The following CTNNA3 variants were observed in gnomAD, a reference collection of about 807,000 sequenced individuals.
CTNNA3 encodes the protein catenin alpha-3.
In CTNNA3, 76 loss-of-function variants were observed where a neutral mutation model predicts 95.7. That is an observed-to-expected ratio of 0.79 (90% CI 0.66 to 0.96). The LOEUF (loss-of-function observed/expected upper bound fraction) is 0.96. Among genes scored for constraint, CTNNA3 ranks in the 40% least tolerant of loss-of-function variants. The pLI is 0.00. For missense variants in CTNNA3, 1,191 were observed against 1,089.8 expected (o/e 1.09, Z -1.31); for synonymous variants, 431 against 374.4 (o/e 1.15, Z -1.74).
At chr10:66,709,898 T>C (rs529663575) in intron 9 of CTNNA3, among the ~76,000 whole-genome samples, 1 of 152,268 alleles carries the variant, frequency 6.6e-6, no homozygotes, top group Non-Finnish European at 1.5e-5. Context: ...GCTGTTGTAG[T>C]AAGAAATATA....
chr10:67,149,683 C>T (rs1861008066), intron 7 of CTNNA3, among the ~76,000 whole-genome samples: 1 of 152,138 alleles, frequency 6.6e-6, no homozygotes, highest in Non-Finnish European at 1.5e-5. Flanking sequence ...AGTAGCTTGT[C>T]CAACATCACA....
intron 7 of CTNNA3, among the ~76,000 whole-genome samples, chr10:66,793,732 T>C (rs1039266559): frequency 1.3e-5 from 2 of 152,296 alleles, no homozygotes; most frequent in Admixed American, 1.3e-4. Context: ...TTTAAACATT[T>C]TATTGTAACT....
intron 14 of CTNNA3, among the ~76,000 whole-genome samples, chr10:66,087,191 C>A (rs944946092): frequency 6.6e-6 from 1 of 152,018 alleles, no homozygotes. Flanking sequence ...CAATTTAAAT[C>A]AAACACCATC....
At chr10:66,877,136 T>C (rs6480234) in intron 7 of CTNNA3, among the ~76,000 whole-genome samples, 67,039 of 151,808 alleles carry the variant, frequency 0.44, 15,159 homozygotes, top group Non-Finnish European at 0.48. Flanking sequence ...TTGGCCAGCT[T>C]GTTTTGATAA....
chr10:66,301,071 C>T (rs2091855656), intron 12 of CTNNA3, among the ~76,000 whole-genome samples: 1 of 151,892 alleles, frequency 6.6e-6, no homozygotes, highest in South Asian at 2.1e-4. Flanking sequence ...AATATGATAG[C>T]CTAAGTAAAA....
intron 5 of CTNNA3, among the ~76,000 whole-genome samples, chr10:67,291,806 A>AAAGTT (rs1205425483): frequency 6.6e-6 from 1 of 152,230 alleles, no homozygotes; most frequent in African/African-American, 2.4e-5. Flanking sequence ...GTAGAGACCA[A>AAAGTT]GGGAAAACTC....
At chr10:66,018,813 A>G (rs973538433) in intron 15 of CTNNA3, among the ~76,000 whole-genome samples, 1 of 152,130 alleles carries the variant, frequency 6.6e-6, no homozygotes. Context: ...TTTCTTTTTC[A>G]ATAAATGATT....
In CTNNA3 at chr10:65,920,441, A is replaced by C. The variant is rs1403811319; in HGVS notation, c.2577T>G (p.Ile859Met). ...RMKAPAKKPL[I>M]KREKPEETCA... ...ACGTTTCCTCTGGCTTCTCTCTTTTAATCAAGGGTTTTTTTGCAGGAGCCT... is the reference window on the plus strand; with the variant it reads ...ACGTTTCCTCTGGCTTCTCTCTTTTCATCAAGGGTTTTTTTGCAGGAGCCT... The change falls in exon 18 of 18, where the codon ATT becomes ATG. Residue 859 changes from isoleucine to methionine, a missense_variant. Coordinates refer to ENST00000433211, the MANE Select transcript of CTNNA3 (RefSeq NM_013266.4). 1 of 1,613,944 alleles carries C rather than the reference A, an allele frequency of 6.2e-7. No individual in the cohort carries two copies. Among genetic ancestry groups the C allele is most frequent in the Non-Finnish European group, 8.5e-7 (1 of 1,180,000 alleles).
chr10:65,928,880 T>C (rs1252769822), intron 17 of CTNNA3, among the ~76,000 whole-genome samples: 1 of 151,258 alleles, frequency 6.6e-6, no homozygotes, highest in Non-Finnish European at 1.5e-5. Context: ...ATTATTTCTC[T>C]TTTTTTTATT....
chr10:66,300,459 A>T (rs899540352), intron 12 of CTNNA3, among the ~76,000 whole-genome samples: 3 of 152,062 alleles, frequency 2.0e-5, no homozygotes, highest in African/African-American at 7.2e-5. Flanking sequence ...GAGCACGGAA[A>T]GGGAGTAGTA....
At chr10:67,731,971 G>A (rs1042225413) in intron 1 of CTNNA3, among the ~76,000 whole-genome samples, 16 of 151,402 alleles carry the variant, frequency 1.1e-4, no homozygotes, top group East Asian at 1.9e-4. Context: ...TAGTAGAGAC[G>A]GGGTTTCAGT....
chr10:66,505,000 T>C (rs1840402674), intron 11 of CTNNA3, among the ~76,000 whole-genome samples: 1 of 152,190 alleles, frequency 6.6e-6, no homozygotes, highest in Admixed American at 6.5e-5. Context: ...GGCTATTTAC[T>C]TTATCAGTAA....
rs189407649 is a variant in CTNNA3, at chr10:66,271,413, A to G, written c.1884+9057T>C. Among the ~76,000 whole-genome samples, 23 of 152,326 alleles carry G rather than the reference A, an allele frequency of 1.5e-4. No homozygotes were observed. The East Asian group carries it at 4.4e-3, about 29-fold the overall frequency. ...AGGTTAGCATTCCTTAAGAGTTTTT[A>G]GGATAAAAACAAGTTTTTGTACCAA... On this transcript the variant is annotated intron_variant, in intron 13 of 17. Coordinates refer to ENST00000433211, the MANE Select transcript of CTNNA3 (RefSeq NM_013266.4).
chr10:66,632,391 T>TA (rs978296924), intron 9 of CTNNA3, among the ~76,000 whole-genome samples: 12 of 151,394 alleles, frequency 7.9e-5, no homozygotes, highest in African/African-American at 2.4e-4. Context: ...CCATCTCTAC[T>TA]AAAAAATACA....
At chr10:66,152,075 C>T (rs2084232506) in intron 13 of CTNNA3, among the ~76,000 whole-genome samples, 1 of 151,834 alleles carries the variant, frequency 6.6e-6, no homozygotes, top group South Asian at 2.1e-4. Context: ...ATAACCATGA[C>T]AAATTATTTT....
intron 3 of CTNNA3, among the ~76,000 whole-genome samples, chr10:67,590,062 C>T (rs1203980073): frequency 6.6e-6 from 1 of 152,038 alleles, no homozygotes; most frequent in Non-Finnish European, 1.5e-5. Context: ...ACATTTTTCT[C>T]TATCTTAGAA....
chr10:67,443,811 T>A (rs1233577582), intron 5 of CTNNA3, among the ~76,000 whole-genome samples: 1 of 152,128 alleles, frequency 6.6e-6, no homozygotes, highest in Non-Finnish European at 1.5e-5. Context: ...TTAGATCCCA[T>A]TTGTCAATTT....
chr10:66,931,464 G>T (rs963182760), intron 7 of CTNNA3, among the ~76,000 whole-genome samples: 5 of 152,150 alleles, frequency 3.3e-5, no homozygotes. Flanking sequence ...TCTTTTCAAA[G>T]AATTTAAACA....
intron 15 of CTNNA3, among the ~76,000 whole-genome samples, chr10:66,001,917 T>A (rs2078777456): frequency 6.6e-6 from 1 of 152,158 alleles, no homozygotes; most frequent in Admixed American, 6.5e-5. Context: ...AAAAAAGGAA[T>A]ATAAAATATA....
Sources: allele counts gnomAD v4.1 joint callset (sites outside exome capture counted in the v4.1 genomes callset), GRCh38; gene constraint gnomAD v4.1.1; transcripts MANE v1.5; gene names NCBI Gene and HGNC (gene_info 2026-07-23, HGNC 2026-07-21).